CLIC1: variants seen among roughly 807,000 people sequenced by gnomAD.
CLIC1 encodes CLIC family member 1.
In CLIC1, 16 loss-of-function variants were observed where a neutral mutation model predicts 26.4. The ratio of observed to expected loss-of-function variants is 0.61; its 90% confidence interval spans 0.41 to 0.92. The LOEUF (loss-of-function observed/expected upper bound fraction) is 0.92, where lower values mean the gene tolerates loss of function less well. Among genes scored for constraint, CLIC1 ranks in the 40% least tolerant of loss-of-function variants. The pLI is 0.00. For missense variants in CLIC1, 225 were observed against 289.7 expected (o/e 0.78, Z 1.62); for synonymous variants, 98 against 120.8 (o/e 0.81, Z 1.24).
chr6:31,735,608 A>T (rs1004678429), intron 1 of CLIC1, among the ~76,000 whole-genome samples: 15 of 151,670 alleles, frequency 9.9e-5, no homozygotes, highest in Non-Finnish European at 1.5e-5. Context: ...CGTTAAACTC[A>T]CGTCTTCTTG....
Position 31,736,205 on chromosome 6 carries a change from GA to G in CLIC1, c.39+56del. The G allele has an allele frequency of 6.3e-7, 1 of 1,577,754 alleles. No homozygotes were observed. Among genetic ancestry groups the G allele is most frequent in the East Asian group, 2.2e-5 (1 of 44,678 alleles). ...TTGGGGAGTTAAGGCTGGACCGGGG[GA>G]AAGGTGAGAGTTGGCTTCCAGGAAT... On this transcript the variant is annotated intron_variant, in intron 1 of 5. Transcript: ENST00000375784. The surrounding 1 kb of genome is among the most constrained non-coding windows in gnomAD (Gnocchi z 5.0).
chr6:31,736,379 T>A lies in CLIC1; in HGVS notation c.-79A>T. 1 of 1,609,308 alleles carries A rather than the reference T, an allele frequency of 6.2e-7. No individual in the cohort carries two copies. The highest frequency in any genetic ancestry group is 8.5e-7 in the Non-Finnish European group (1 of 1,178,894). On this transcript the variant is annotated 5_prime_UTR_variant, in exon 1 of 6. Transcript: ENST00000375784. The surrounding 1 kb of genome is among the most constrained non-coding windows in gnomAD (Gnocchi z 5.0). ...GGACCGGGGAAGGCGGGTCTCACAC[T>A]CAGGGACTCTCTCCCCTAGACCCAG...
chr6:31,733,151 C>T lies in CLIC1; in HGVS notation c.382+415G>A, dbSNP rs1341087847. The stretch of plus-strand genomic sequence containing the variant: ...AAAGAAAAAAAAAAATTTATATCAA[C>T]CCATGAAATAGGTATTGTCATCCTA... On this transcript the variant is annotated intron_variant, in intron 4 of 5. Coordinates refer to ENST00000375784, the Ensembl canonical transcript of CLIC1. The surrounding 1 kb of genome is among the most constrained non-coding windows in gnomAD (Gnocchi z 5.4). Among the ~76,000 whole-genome samples the T allele has an allele frequency of 6.6e-6, 1 of 151,908 alleles. No individual in the cohort carries two copies. Among genetic ancestry groups the T allele is most frequent in the Non-Finnish European group, 1.5e-5 (1 of 67,964 alleles).
chr6:31,735,765 C>G (rs1808283701), intron 1 of CLIC1, among the ~76,000 whole-genome samples: 1 of 151,148 alleles, frequency 6.6e-6, no homozygotes, highest in Non-Finnish European at 1.5e-5. Context: ...CTCTCACTCT[C>G]AGGCCTCCCT....
rs998562829 is a variant in CLIC1 at position 31,733,119 on chromosome 6, C to CA, written c.382+446dup. Among the ~76,000 whole-genome samples the CA allele has an allele frequency of 1.8e-3, 255 of 138,342 alleles. No individual in the cohort carries two copies. The highest frequency in any genetic ancestry group is 6.6e-3 in the African/African-American group (248 of 37,388). 90.8% of individuals were successfully genotyped at this position (138,342 alleles called of 152,430 possible). A position where few individuals can be genotyped will look rare whatever the true frequency, so the allele number is the denominator to read the frequency against. ...TGGGCGACAGAACGAGACTCCATCT[C>CA]AAAAAAAAAGAAAAAAAAAAATTTA... On this transcript the variant is annotated intron_variant, in intron 4 of 5. Coordinates refer to ENST00000375784, the Ensembl canonical transcript of CLIC1. The surrounding 1 kb of genome is among the most constrained non-coding windows in gnomAD (Gnocchi z 5.4).
Position 31,734,899 on chromosome 6 carries a change from T to C in CLIC1, c.40-636A>G, listed in dbSNP as rs1808227095. Among the ~76,000 whole-genome samples the C allele has an allele frequency of 6.6e-6, 1 of 151,998 alleles. No homozygotes were observed. Among genetic ancestry groups the C allele is most frequent in the South Asian group, 2.1e-4 (1 of 4,814 alleles). ...GATGTGGGGGAAGGGACAGTGAGGA[T>C]GAGGCCTGGGCAGCTAAGGCTACCC... On this transcript the variant is annotated intron_variant, in intron 1 of 5. Transcript: ENST00000375784. This position sits in a 1 kb window ranked among gnomAD's most constrained non-coding sequence, Gnocchi z 5.3.
At position 31,732,844 on chromosome 6, in the gene CLIC1, G is replaced by A. The variant is rs973823118; in HGVS notation, c.383-446C>T. ...ATTTTACAAACTCATTTATATCGCC[G>A]GGTGCAGTGGCTCACTCCTGTAATC... On this transcript the variant is annotated intron_variant, in intron 4 of 5. Transcript: ENST00000375784. The surrounding 1 kb of genome is among the most constrained non-coding windows in gnomAD (Gnocchi z 5.0). Among the ~76,000 whole-genome samples, 19 of 151,624 alleles carry A rather than the reference G, an allele frequency of 1.3e-4. No individual in the cohort carries two copies. Among genetic ancestry groups the A allele is most frequent in the African/African-American group, 2.2e-4 (9 of 41,288 alleles).
chr6:31,730,911 G>A lies in CLIC1; in HGVS notation c.657C>T (p.Phe219=), dbSNP rs1258732177. 8.7e-6 allele frequency: 14 copies of A among 1,612,988 alleles called. No homozygotes were observed. The highest frequency in any genetic ancestry group is 1.2e-5 in the Non-Finnish European group (14 of 1,180,052). ...CCTCATCATCTGGACAGGTGGAAGC[G>A]AATTCTTCCCGGGCGTAGGCATTGC... Residue 219 remains phenylalanine, a synonymous_variant, in exon 6 of 6, where the codon TTC becomes TTT. Coordinates refer to ENST00000375784, the Ensembl canonical transcript of CLIC1. This position sits in a 1 kb window ranked among gnomAD's most constrained non-coding sequence, Gnocchi z 5.1.
In CLIC1 at chr6:31,730,941, G is replaced by C. The variant is rs1181805580; in HGVS notation, c.627C>G (p.Tyr209Ter). 3 of 1,613,076 alleles carry C rather than the reference G, an allele frequency of 1.9e-6. No individual in the cohort carries two copies. The African/African-American group carries it at 4.0e-5, about 21-fold the overall frequency. Residue 209 changes from tyrosine to a stop codon, truncating the protein, a stop_gained, in exon 6 of 6, where the codon TAC becomes TAG. Transcript: ENST00000375784. LOFTEE classifies it high-confidence loss of function. This position sits in a 1 kb window ranked among gnomAD's most constrained non-coding sequence, Gnocchi z 5.1. ...CTTCCCGGGCGTAGGCATTGCTCAA[G>C]TACCGATGCACTCCCCGGAAGGCCT...
At position 31,736,346 on chromosome 6, in the gene CLIC1, A is replaced by G; in HGVS notation, c.-46T>C. ...AGTGGCCGTCCCTGGGGGAACTGGG[A>G]GGGGCTGGGACCGGGGAAGGCGGGT... On this transcript the variant is annotated 5_prime_UTR_variant, in exon 1 of 6. Coordinates refer to ENST00000375784, the Ensembl canonical transcript of CLIC1. This position sits in a 1 kb window ranked among gnomAD's most constrained non-coding sequence, Gnocchi z 5.0. The G allele has an allele frequency of 6.2e-7, 1 of 1,612,148 alleles. No homozygotes were observed. The highest frequency in any genetic ancestry group is 8.5e-7 in the Non-Finnish European group (1 of 1,179,908).
chr6:31,732,150 G>T lies in CLIC1; in HGVS notation c.564+67C>A. Reference sequence around the variant, plus strand: ...GTCTTTAGAGTGGTTGTCAGGGGAAGCCCATGTGGGAGCTCCTTAAAGGGC... The same window carrying T: ...GTCTTTAGAGTGGTTGTCAGGGGAATCCCATGTGGGAGCTCCTTAAAGGGC... On this transcript the variant is annotated intron_variant, in intron 5 of 5. Coordinates refer to ENST00000375784, the Ensembl canonical transcript of CLIC1. The surrounding 1 kb of genome is among the most constrained non-coding windows in gnomAD (Gnocchi z 5.0). 2.4e-6 allele frequency: 3 copies of T among 1,267,896 alleles called. No homozygotes were observed. The highest frequency in any genetic ancestry group is 3.1e-6 in the Non-Finnish European group (3 of 964,930). The allele number at this position is 1,267,896 out of a possible 1,614,324, so 78.5% of individuals were successfully genotyped here.
In CLIC1 at chr6:31,734,384, C is replaced by A; in HGVS notation, c.40-121G>T. On this transcript the variant is annotated intron_variant, in intron 1 of 5. Transcript: ENST00000375784. This position sits in a 1 kb window ranked among gnomAD's most constrained non-coding sequence, Gnocchi z 5.3. ...CCTAGTCATGACACATACACTGTCC[C>A]CTCACTATGGGCTCTTTGCCCTTGG... The A allele has an allele frequency of 1.4e-6, 1 of 729,854 alleles. No homozygotes were observed. The highest frequency in any genetic ancestry group is 1.6e-5 in the South Asian group (1 of 61,296). 45.2% of individuals were successfully genotyped at this position (729,854 alleles called of 1,614,324 possible). A position where few individuals can be genotyped will look rare whatever the true frequency, so the allele number is the denominator to read the frequency against.
rs755015344 is a variant in CLIC1 at position 31,732,341 on chromosome 6, G to T, written c.440C>A (p.Pro147His). ...GGTTTCATCCACTTCTTCTGGGAGG[G>T]GGGATGTTAAGTAATTGTCTAAAAC... The change falls in exon 5 of 6, where the codon CCC (proline) becomes CAC (histidine). Residue 147 changes from proline to histidine, a missense_variant. Transcript: ENST00000375784. The surrounding 1 kb of genome is among the most constrained non-coding windows in gnomAD (Gnocchi z 5.0). The T allele has an allele frequency of 6.3e-7, 1 of 1,594,454 alleles. No individual in the cohort carries two copies. Among genetic ancestry groups the T allele is most frequent in the Non-Finnish European group, 8.5e-7 (1 of 1,171,164 alleles).
At position 31,736,146 on chromosome 6, in the gene CLIC1, T is replaced by G; in HGVS notation, c.39+116A>C. 9.7e-7 allele frequency: 1 copy of G among 1,025,648 alleles called. No individual in the cohort carries two copies. Among genetic ancestry groups the G allele is most frequent in the Non-Finnish European group, 1.5e-6 (1 of 653,884 alleles). The allele number at this position is 1,025,648 out of a possible 1,614,324, so 63.5% of individuals were successfully genotyped here. On this transcript the variant is annotated intron_variant, in intron 1 of 5. Coordinates refer to ENST00000375784, the Ensembl canonical transcript of CLIC1. This position sits in a 1 kb window ranked among gnomAD's most constrained non-coding sequence, Gnocchi z 5.0. ...CCACCCCTCAACCAAAGAGTGCACG[T>G]GGGATTGGGGGTGGGAGTCAAGGAG...
In CLIC1 at chr6:31,732,442, A is replaced by T. The variant is rs761468734; in HGVS notation, c.383-44T>A. 7.2e-7 allele frequency: 1 copy of T among 1,388,424 alleles called. No homozygotes were observed. 86.0% of individuals were successfully genotyped at this position (1,388,424 alleles called of 1,614,324 possible). ...TGATTAGAACTTCAGGAAAAGATTG[A>T]CATAGTCCGAAAAGGCCCGTTGGGG... On this transcript the variant is annotated intron_variant, in intron 4 of 5. Coordinates refer to ENST00000375784, the Ensembl canonical transcript of CLIC1. This position sits in a 1 kb window ranked among gnomAD's most constrained non-coding sequence, Gnocchi z 5.0.
At chr6:31,735,562 G>T (rs994765089) in intron 1 of CLIC1, among the ~76,000 whole-genome samples, 1 of 151,868 alleles carries the variant, frequency 6.6e-6, no homozygotes, top group Non-Finnish European at 1.5e-5. Context: ...CTTCTCCTCC[G>T]TCTGATCTCT....
chr6:31,736,134 A>C lies in CLIC1; in HGVS notation c.39+128T>G. On this transcript the variant is annotated intron_variant, in intron 1 of 5. Coordinates refer to ENST00000375784, the Ensembl canonical transcript of CLIC1. The surrounding 1 kb of genome is among the most constrained non-coding windows in gnomAD (Gnocchi z 5.0). ...CCCCTCTCAAAACCACCCCTCAACC[A>C]AAGAGTGCACGTGGGATTGGGGGTG... The C allele has an allele frequency of 5.6e-6, 5 of 887,280 alleles. No homozygotes were observed. The highest frequency in any genetic ancestry group is 1.6e-5 in the African/African-American group (1 of 61,016). 55.0% of individuals were successfully genotyped at this position (887,280 alleles called of 1,614,324 possible). A position where few individuals can be genotyped will look rare whatever the true frequency, so the allele number is the denominator to read the frequency against.
rs1410197944 is a variant in CLIC1 at position 31,730,942 on chromosome 6, T to C, written c.626A>G (p.Tyr209Cys). ...TTCCCGGGCGTAGGCATTGCTCAAG[T>C]ACCGATGCACTCCCCGGAAGGCCTC... Residue 209 changes from tyrosine (Y) to cysteine (C), a missense_variant, in exon 6 of 6, where the codon TAC (tyrosine) becomes TGC (cysteine). Tyr to Cys is a radical substitution (Grantham distance 194). Transcript: ENST00000375784. This position sits in a 1 kb window ranked among gnomAD's most constrained non-coding sequence, Gnocchi z 5.1. The C allele has an allele frequency of 3.1e-6, 5 of 1,613,014 alleles. No individual in the cohort carries two copies. In the South Asian group the frequency reaches 3.3e-5, roughly 11 times the overall value.
At chr6:31,735,424 G>A (rs1808262853) in intron 1 of CLIC1, among the ~76,000 whole-genome samples, 2 of 151,452 alleles carry the variant, frequency 1.3e-5, no homozygotes, top group African/African-American at 4.9e-5. Context: ...GAAGCCTGCT[G>A]CCTGCAGTTT....
Sources: gnomAD v4.1 joint callset for allele counts (sites outside exome capture counted in the v4.1 genomes callset) on GRCh38, gnomAD v4.1.1 for gene constraint, Gnocchi (gnomAD v3.1) non-coding constraint, MANE v1.5 for transcripts, NCBI Gene and HGNC (gene_info 2026-07-23, HGNC 2026-07-21) for gene names.